TSPAN9: variants seen among roughly 807,000 people sequenced by gnomAD.
The protein encoded by TSPAN9 is tetraspanin-9.
Under a neutral mutation model 31.0 loss-of-function variants are expected in TSPAN9, and 16 were observed. That is an observed-to-expected ratio of 0.52 (90% CI 0.35 to 0.78). The LOEUF is 0.78. TSPAN9 is among the 30% of genes least tolerant of loss of function. The pLI is 0.01. For synonymous variants in TSPAN9, 145 were observed against 121.6 expected (o/e 1.19, Z -1.27); for missense variants, 272 against 312.5 (o/e 0.87, Z 0.98).
chr12:3,165,503 G>A (rs987506143), intron 2 of TSPAN9, among the ~76,000 whole-genome samples: 1 of 152,194 alleles, frequency 6.6e-6, no homozygotes, highest in African/African-American at 2.4e-5. Flanking sequence ...TTTCACGGGG[G>A]AGTCCAGAAG....
intron 2 of TSPAN9, among the ~76,000 whole-genome samples, chr12:3,196,245 C>A (rs2098367032): frequency 1.3e-5 from 2 of 152,224 alleles, no homozygotes; most frequent in Admixed American, 6.5e-5. Flanking sequence ...TCTCCCCACA[C>A]CAGCTTCCTT....
rs192098820 is a variant in TSPAN9 at position 3,245,751 on chromosome 12, G to A, written c.64-32670G>A. The stretch of plus-strand genomic sequence containing the variant: ...TGGTGGGCAGACCGGCCCGTGGCAC[G>A]GAGCCATCGTCAGCATGGATGCTGT... On this transcript the variant is annotated intron_variant, in intron 3 of 8. Transcript: ENST00000011898. Among the ~76,000 whole-genome samples, 303 of 152,290 alleles carry A rather than the reference G, an allele frequency of 2.0e-3. 1 individual carries two copies. The highest frequency in any genetic ancestry group is 6.9e-3 in the African/African-American group (289 of 41,590).
At chr12:3,250,248 C>T (rs533587829) in intron 3 of TSPAN9, among the ~76,000 whole-genome samples, 161 of 152,282 alleles carry the variant, frequency 1.1e-3, no homozygotes, top group African/African-American at 3.7e-3. Flanking sequence ...TTACCCATTG[C>T]GTAAAGCTCA....
intron 3 of TSPAN9, among the ~76,000 whole-genome samples, chr12:3,236,225 G>A (rs915359909): frequency 3.3e-5 from 5 of 152,218 alleles, no homozygotes; most frequent in South Asian, 4.1e-4. Flanking sequence ...GTCTCTGAGC[G>A]TCATCTTCCT....
At chr12:3,223,411 G>A (rs1050683166) in intron 3 of TSPAN9, among the ~76,000 whole-genome samples, 4 of 152,190 alleles carry the variant, frequency 2.6e-5, no homozygotes, top group Non-Finnish European at 4.4e-5. Context: ...GAAGCCCGGT[G>A]GAGATGTGGG....
At chr12:3,142,659 C>T (rs747218245) in intron 2 of TSPAN9, among the ~76,000 whole-genome samples, 1 of 152,154 alleles carries the variant, frequency 6.6e-6, no homozygotes, top group East Asian at 1.9e-4. Flanking sequence ...CATGCTCTTA[C>T]TCCTGGTGCC....
intron 2 of TSPAN9, among the ~76,000 whole-genome samples, chr12:3,162,467 T>C (rs1331226314): frequency 1.3e-5 from 2 of 152,122 alleles, no homozygotes; most frequent in Admixed American, 6.6e-5. Context: ...CTGAGAGACC[T>C]GCAGGAACCA....
intron 3 of TSPAN9, among the ~76,000 whole-genome samples, chr12:3,250,364 C>T (rs1025917397): frequency 5.9e-5 from 9 of 152,210 alleles, no homozygotes; most frequent in African/African-American, 1.7e-4. Context: ...CTTCACTGTC[C>T]TTCATGATTT....
chr12:3,128,939 C>G (rs1485527732), intron 2 of TSPAN9, among the ~76,000 whole-genome samples: 1 of 152,312 alleles, frequency 6.6e-6, no homozygotes, highest in African/African-American at 2.4e-5. Flanking sequence ...CCCCTACTTC[C>G]AGCCCCTGGT....
At chr12:3,137,309 C>T (rs1054554852) in intron 2 of TSPAN9, among the ~76,000 whole-genome samples, 6 of 152,208 alleles carry the variant, frequency 3.9e-5, no homozygotes, top group Non-Finnish European at 5.9e-5. Context: ...CCCCGGGCCA[C>T]GCTCTCCTGG....
intron 3 of TSPAN9, among the ~76,000 whole-genome samples, chr12:3,226,429 G>A (rs1370121493): frequency 2.0e-5 from 3 of 151,726 alleles, no homozygotes; most frequent in Non-Finnish European, 4.4e-5. Context: ...GAATCCTCTG[G>A]CCGTGAGCAT....
intron 2 of TSPAN9, among the ~76,000 whole-genome samples, chr12:3,127,986 C>T (rs2098328109): frequency 6.6e-6 from 1 of 152,160 alleles, no homozygotes; most frequent in South Asian, 2.1e-4. Context: ...CATCACCACA[C>T]ACACGTCAAG....
At chr12:3,128,714 C>CTT (rs1358854084) in intron 2 of TSPAN9, among the ~76,000 whole-genome samples, 1 of 152,214 alleles carries the variant, frequency 6.6e-6, no homozygotes, top group Non-Finnish European at 1.5e-5. Flanking sequence ...AGACTAAACA[C>CTT]TTTGAGATTC....
intron 3 of TSPAN9, among the ~76,000 whole-genome samples, chr12:3,228,758 T>G (rs564036725): frequency 6.6e-6 from 1 of 152,322 alleles, no homozygotes; most frequent in Non-Finnish European, 1.5e-5. Flanking sequence ...CTGTAACAAA[T>G]TACCATACAC....
At chr12:3,236,282 A>T (rs1192442199) in intron 3 of TSPAN9, among the ~76,000 whole-genome samples, 1 of 152,238 alleles carries the variant, frequency 6.6e-6, no homozygotes, top group African/African-American at 2.4e-5. Context: ...GGAATGGTGC[A>T]ATAATTTAAT....
At chr12:3,087,878 C>T (rs1404068447) in intron 2 of TSPAN9, among the ~76,000 whole-genome samples, 1 of 152,200 alleles carries the variant, frequency 6.6e-6, no homozygotes, top group Non-Finnish European at 1.5e-5. Flanking sequence ...AAAACCTGGA[C>T]ACGGTACCTG....
intron 2 of TSPAN9, among the ~76,000 whole-genome samples, chr12:3,102,474 A>G (rs1474223202): frequency 7.1e-6 from 1 of 140,050 alleles, no homozygotes; most frequent in Non-Finnish European, 1.5e-5. Context: ...TTGCTCTGTC[A>G]CCTAGGCTGG....
intron 3 of TSPAN9, among the ~76,000 whole-genome samples, chr12:3,217,305 G>A (rs1213354310): frequency 6.6e-6 from 1 of 152,180 alleles, no homozygotes; most frequent in Non-Finnish European, 1.5e-5. Flanking sequence ...CTGGGGTTGG[G>A]CTTAGATCTT....
chr12:3,087,651 C>T (rs2098301245), intron 2 of TSPAN9, among the ~76,000 whole-genome samples: 1 of 151,732 alleles, frequency 6.6e-6, no homozygotes, highest in South Asian at 2.1e-4. Flanking sequence ...ACTAAAAATA[C>T]AAAAATTAGC....
Sources: gnomAD v4.1 joint callset for allele counts (sites outside exome capture counted in the v4.1 genomes callset) on GRCh38, gnomAD v4.1.1 for gene constraint, MANE v1.5 for transcripts, NCBI Gene and HGNC (gene_info 2026-07-23, HGNC 2026-07-21) for gene names.